PCDHGA2: variants seen among roughly 807,000 people sequenced by gnomAD.
PCDHGA2 encodes protocadherin gamma subfamily A, 2.
PCDHGA2 carries 40 observed loss-of-function variants against 59.2 expected under a neutral mutation model. The ratio of observed to expected loss-of-function variants is 0.68; its 90% CI spans 0.52 to 0.88. PCDHGA2 has a LOEUF of 0.88. Among genes scored for constraint, PCDHGA2 ranks in the 40% least tolerant of loss-of-function variants. The pLI is 0.00. For synonymous variants in PCDHGA2, 560 were observed against 526.0 expected (o/e 1.06, Z -0.89); for missense variants, 1,226 against 1,204.0 (o/e 1.02, Z -0.27).
chr5:141,489,126 T>G lies in PCDHGA2; in HGVS notation c.2425-5681T>G. 31 of 585,108 alleles carry G rather than the reference T, an allele frequency of 5.3e-5. No homozygotes were observed. Among genetic ancestry groups the G allele is most frequent in the South Asian group, 1.3e-4 (4 of 31,402 alleles). 36.2% of individuals were successfully genotyped at this position (585,108 alleles called of 1,614,324 possible). On this transcript the variant is annotated intron_variant, in intron 1 of 3. Transcript: ENST00000394576. The surrounding 1 kb of genome is among the most constrained non-coding windows in gnomAD (Gnocchi z 4.5). ...TGCAAGCAGGCAAACCTCCGAGCAG[T>G]TTTTAAGAGGCTGGAAGGAGACATA...
At position 141,371,064 on chromosome 5, in the gene PCDHGA2, T is replaced by C. The variant is rs759777636; in HGVS notation, c.2424+29669T>C. On this transcript the variant is annotated intron_variant, in intron 1 of 3. Transcript: ENST00000394576. ...GGATGGGGGCGAGCCCTCCAGAAGC[T>C]GTACCACCCAGATCAGGGTAATTGT... The C allele has an allele frequency of 4.3e-6, 7 of 1,613,944 alleles. No homozygotes were observed. In the South Asian group the frequency reaches 7.7e-5, roughly 18 times the overall value.
intron 1 of PCDHGA2, among the ~76,000 whole-genome samples, chr5:141,402,439 G>C (rs1278186410): frequency 6.6e-6 from 1 of 151,914 alleles, no homozygotes; most frequent in East Asian, 1.9e-4. Context: ...TCATAAAAAG[G>C]AAATTATAAT....
At chr5:141,462,122 C>A (rs1437400069) in intron 1 of PCDHGA2, among the ~76,000 whole-genome samples, 3 of 152,044 alleles carry the variant, frequency 2.0e-5, no homozygotes, top group Admixed American at 6.6e-5. Context: ...TGCACCCAGT[C>A]CAATTTTTTG....
At chr5:141,424,526 T>C (rs1020206614) in intron 1 of PCDHGA2, 2 of 152,216 alleles carry the variant, frequency 1.3e-5, no homozygotes, top group Non-Finnish European at 2.9e-5. Context: ...AGTAAATCCA[T>C]ATATAGAAAT....
chr5:141,386,746 C>A (rs2090695980), intron 1 of PCDHGA2, among the ~76,000 whole-genome samples: 1 of 152,144 alleles, frequency 6.6e-6, no homozygotes, highest in Non-Finnish European at 1.5e-5. Context: ...GATCCTATGG[C>A]AGAACTACGG....
intron 1 of PCDHGA2, chr5:141,426,648 A>G (rs1224402025): frequency 2.4e-6 from 1 of 418,088 alleles, no homozygotes; most frequent in Non-Finnish European, 4.9e-6. Flanking sequence ...AAATGTGATG[A>G]TAGAAGATAT....
intron 1 of PCDHGA2, chr5:141,395,360 GT>G: frequency 1.5e-6 from 2 of 1,290,436 alleles, no homozygotes; most frequent in Non-Finnish European, 2.1e-6. Context: ...AGAGTTTTGG[GT>G]TTATTTTGGT....
In PCDHGA2 at chr5:141,431,514, C is replaced by T. The variant is rs760416874; in HGVS notation, c.2425-63293C>T. ...CAGCCCGAGTACCGCGCGAGCGTTC[C>T]GGAGAATCTGGCCTTGGGCACGCAG... On this transcript the variant is annotated intron_variant, in intron 1 of 3. Transcript: ENST00000394576. This position sits in a 1 kb window ranked among gnomAD's most constrained non-coding sequence, Gnocchi z 4.8. 3.1e-6 allele frequency: 5 copies of T among 1,614,012 alleles called. No homozygotes were observed. The highest frequency in any genetic ancestry group is 1.1e-5 in the South Asian group (1 of 91,082).
chr5:141,404,695 TGCAGAGCC>T, intron 1 of PCDHGA2: 1 of 1,614,122 alleles, frequency 6.2e-7, no homozygotes, highest in Non-Finnish European at 8.5e-7. Flanking sequence ...CACCCCGCTC[TGCAGAGCC>T]TGGCTACCTG....
intron 3 of PCDHGA2, chr5:141,507,291 T>A (rs956764262): frequency 3.4e-5 from 5 of 147,704 alleles, no homozygotes; most frequent in African/African-American, 5.1e-5. Flanking sequence ...CAGTCTCAAA[T>A]GTTGCATGAG....
chr5:141,399,817 G>T (rs369747431), intron 1 of PCDHGA2: 1 of 1,613,224 alleles, frequency 6.2e-7, no homozygotes, highest in South Asian at 1.1e-5. Flanking sequence ...CCCCGCGCTG[G>T]GTCCCGACGG....
Position 141,477,917 on chromosome 5 carries a change from G to C in PCDHGA2, c.2425-16890G>C. 6.2e-7 allele frequency: 1 copy of C among 1,614,186 alleles called. No individual in the cohort carries two copies. The highest frequency in any genetic ancestry group is 2.2e-5 in the East Asian group (1 of 44,868). On this transcript the variant is annotated intron_variant, in intron 1 of 3. Transcript: ENST00000394576. The surrounding 1 kb of genome is among the most constrained non-coding windows in gnomAD (Gnocchi z 4.9). ...GGTGGTAGGCTGGGACGCGGATGCA[G>C]GGCACAATGCCTGGCTCTCCTACAG...
At chr5:141,469,948 T>C (rs1258593339) in intron 1 of PCDHGA2, among the ~76,000 whole-genome samples, 2 of 152,110 alleles carry the variant, frequency 1.3e-5, no homozygotes, top group Admixed American at 1.3e-4. Flanking sequence ...CTGGCCAGCA[T>C]GGTGAAACCC....
Position 141,340,047 on chromosome 5 carries a change from ACT to A in PCDHGA2, c.1081_1082del (p.Leu361SerfsTer9), listed in dbSNP as rs779035773. On this transcript the variant is annotated frameshift_variant, in exon 1 of 4. Coordinates refer to ENST00000394576, the MANE Select transcript of PCDHGA2 (RefSeq NM_018915.4). LOFTEE classifies it high-confidence loss of function. Reference sequence around the variant, plus strand: ...TCTGCTACTAGCTCAGTTTCTGAAGACTCTCTTCCAGGAACCATAATTGGGCT... The same window carrying A: ...TCTGCTACTAGCTCAGTTTCTGAAGACTCTTCCAGGAACCATAATTGGGCT... 8.1e-6 allele frequency: 13 copies of A among 1,613,946 alleles called. No individual in the cohort carries two copies. Among genetic ancestry groups the A allele is most frequent in the Non-Finnish European group, 1.7e-6 (2 of 1,180,022 alleles).
chr5:141,349,145 A>G (rs1758240437), intron 1 of PCDHGA2, among the ~76,000 whole-genome samples: 1 of 152,188 alleles, frequency 6.6e-6, no homozygotes, highest in Non-Finnish European at 1.5e-5. Flanking sequence ...ATCTCAACTC[A>G]CTGCAACCTC....
chr5:141,340,839 C>G lies in PCDHGA2; in HGVS notation c.1868C>G (p.Thr623Arg). 1.2e-6 allele frequency: 2 copies of G among 1,613,632 alleles called. No individual in the cohort carries two copies. The highest frequency in any genetic ancestry group is 1.7e-6 in the Non-Finnish European group (2 of 1,179,938). Reference sequence around the variant, plus strand: ...GGACTCTTCTCGGTGGGTCTGCACACGGGCGAGGTGCGCACGGCGCGAGCC... The same window carrying G: ...GGACTCTTCTCGGTGGGTCTGCACAGGGGCGAGGTGCGCACGGCGCGAGCC... ...EPGLFSVGLH[T>R]GEVRTARALL... The change falls in exon 1 of 4, where the codon ACG becomes AGG. Residue 623 changes from threonine (T) to arginine (R), a missense_variant. Physicochemically the swap from Thr to Arg is moderately conservative, Grantham distance 71 (BLOSUM62 -1). Transcript: ENST00000394576.
intron 1 of PCDHGA2, chr5:141,399,025 CAAAAG>C (rs750003738): frequency 6.8e-6 from 11 of 1,613,846 alleles, no homozygotes; most frequent in Admixed American, 5.0e-5. Context: ...AATTACCACT[CAAAAG>C]AAACTGGATT....
At chr5:141,497,209 TG>T (rs11343387) in intron 2 of PCDHGA2, among the ~76,000 whole-genome samples, 90,704 of 151,262 alleles carry the variant, frequency 0.6, 29,397 homozygotes, top group African/African-American at 0.86. Context: ...GTGAGTGTAA[TG>T]GGGGGGGGAA....
chr5:141,418,063 G>T (rs2015825), intron 1 of PCDHGA2: 734,858 of 1,613,808 alleles, frequency 0.46, 174,471 homozygotes, highest in African/African-American at 0.8. Flanking sequence ...AGCTGCGAGT[G>T]AGCGCGGAGA....
Sources: gnomAD v4.1 joint callset for allele counts (sites outside exome capture counted in the v4.1 genomes callset) on GRCh38, gnomAD v4.1.1 for gene constraint, Gnocchi (gnomAD v3.1) non-coding constraint, MANE v1.5 for transcripts, NCBI Gene and HGNC (gene_info 2026-07-23, HGNC 2026-07-21) for gene names.